RUFY2: variants seen among roughly 807,000 people sequenced by gnomAD.
The protein encoded by RUFY2 is RUN and FYVE domain containing 2.
In RUFY2, 49 loss-of-function variants were observed where a neutral mutation model predicts 94.4. The ratio of observed to expected loss-of-function variants is 0.52; its 90% CI spans 0.41 to 0.66. The LOEUF is 0.66. Ranked by LOEUF, RUFY2 falls within the 30% of genes least tolerant of loss-of-function variation. The pLI is 0.00. For synonymous variants in RUFY2, 255 were observed against 235.7 expected (o/e 1.08, Z -0.75); for missense variants, 541 against 692.8 (o/e 0.78, Z 2.46).
chr10:68,403,512 A>G (rs1004885341), intron 2 of RUFY2, among the ~76,000 whole-genome samples: 1 of 152,198 alleles, frequency 6.6e-6, no homozygotes, highest in South Asian at 2.1e-4. Flanking sequence ...TCAGCCTCCC[A>G]AAGTGCTGGG....
chr10:68,405,425 G>C (rs932169739), intron 1 of RUFY2: 28 of 956,318 alleles, frequency 2.9e-5, no homozygotes, highest in Non-Finnish European at 3.4e-5. Context: ...CCATTCTCCT[G>C]TATTTAACTT....
At chr10:68,400,889 T>C (rs2050788962) in intron 3 of RUFY2, among the ~76,000 whole-genome samples, 1 of 151,802 alleles carries the variant, frequency 6.6e-6, no homozygotes, top group Admixed American at 6.6e-5. Flanking sequence ...GGCGGGCGCC[T>C]GTAGTCCCAG....
At chr10:68,401,471 A>G (rs2050844218) in intron 3 of RUFY2, 149 bp downstream of exon 3, 1 of 595,070 alleles carries the variant, frequency 1.7e-6, no homozygotes, top group Non-Finnish European at 3.1e-6. Flanking sequence ...GAGTTGAGCC[A>G]TAAAGAATGA....
Position 68,364,044 on chromosome 10 carries a change from C to T in RUFY2, c.1395G>A (p.Lys465=), listed in dbSNP as rs199600141. The stretch of plus-strand genomic sequence containing the variant: ...TAAGATGAGATAAGGCATCTTTCTC[C>T]TTTTGAAGATCTTCCTGCAAAGTCT... ...WRQTLQEDLQ[K]EKDALSHLRN... The change falls in exon 14 of 18, where the codon AAG becomes AAA. Residue 465 remains lysine, a synonymous_variant. Coordinates refer to ENST00000602465, the MANE Select transcript of RUFY2 (RefSeq NM_001330103.2). 734 of 1,611,956 alleles carry T rather than the reference C, an allele frequency of 4.6e-4. 1 individual carries two copies. Among genetic ancestry groups the T allele is most frequent in the Non-Finnish European group, 5.0e-4 (584 of 1,178,400 alleles).
chr10:68,348,364 G>T (rs2134939361), intron 16 of RUFY2, among the ~76,000 whole-genome samples: 1 of 151,642 alleles, frequency 6.6e-6, no homozygotes, highest in South Asian at 2.1e-4. Context: ...TAAATGAAAA[G>T]AAATTAGCCA....
intron 16 of RUFY2, chr10:68,346,849 T>C (rs1402265399): frequency 6.6e-6 from 1 of 152,114 alleles, no homozygotes; most frequent in Non-Finnish European, 1.5e-5. Flanking sequence ...TTGAAGGAAA[T>C]TGGGGAAATC....
At chr10:68,358,174 C>T (rs925514941) in intron 15 of RUFY2, among the ~76,000 whole-genome samples, 7 of 152,010 alleles carry the variant, frequency 4.6e-5, no homozygotes, top group African/African-American at 1.7e-4. Flanking sequence ...AGCAACAGAG[C>T]GAGACTCTTA....
chr10:68,361,009 G>A lies in RUFY2; in HGVS notation c.1550+2581C>T, dbSNP rs191416338. Among the ~76,000 whole-genome samples, 352 of 152,208 alleles carry A rather than the reference G, an allele frequency of 2.3e-3. 1 individual carries two copies. The highest frequency in any genetic ancestry group is 6.0e-3 in the Admixed American group (92 of 15,270). ...TTAAGTATGAAGTGAGGGGCCGGGC[G>A]TGGTGGCTCATGACTGTAATCCCAG... On this transcript the variant is annotated intron_variant, in intron 15 of 17. Coordinates refer to ENST00000602465, the MANE Select transcript of RUFY2 (RefSeq NM_001330103.2).
chr10:68,377,962 G>C, intron 12 of RUFY2: 1 of 985,292 alleles, frequency 1.0e-6, no homozygotes, highest in South Asian at 4.7e-5. Context: ...CCAAATCCAA[G>C]TTTAAATTAA....
chr10:68,370,042 G>A (rs186736656), intron 13 of RUFY2, among the ~76,000 whole-genome samples: 2 of 152,212 alleles, frequency 1.3e-5, no homozygotes, highest in East Asian at 1.9e-4. Flanking sequence ...CCAGCACTTC[G>A]GGAGGCCAAG....
At chr10:68,363,727 A>T in intron 14 of RUFY2, 43 bp from the exon 15 acceptor site, 3 of 1,253,182 alleles carry the variant, frequency 2.4e-6, no homozygotes, top group Non-Finnish European at 2.2e-6. Context: ...TAAAAGAAAG[A>T]AACAAGAAAC....
rs886937955 is a variant in RUFY2 at position 68,377,653 on chromosome 10, T to C, written c.1206-681A>G. 6.1e-6 allele frequency: 6 copies of C among 985,326 alleles called. No homozygotes were observed. In the African/African-American group the frequency reaches 1.0e-4, roughly 17 times the overall value. The allele number at this position is 985,326 out of a possible 1,614,324, so 61.0% of individuals were successfully genotyped here. On this transcript the variant is annotated intron_variant, in intron 12 of 17. Coordinates refer to ENST00000602465, the MANE Select transcript of RUFY2 (RefSeq NM_001330103.2). ...ATTAGCTAAAACATTGTGATTTTCATCTTTCCTGTTTTTATTTGTAAGTCG... is the reference window on the plus strand; with the variant it reads ...ATTAGCTAAAACATTGTGATTTTCACCTTTCCTGTTTTTATTTGTAAGTCG...
chr10:68,382,204 A>G (rs1489603218), intron 10 of RUFY2, among the ~76,000 whole-genome samples: 2 of 150,732 alleles, frequency 1.3e-5, no homozygotes, highest in Non-Finnish European at 2.9e-5. Context: ...GTCTGCCACT[A>G]TGACTGGCTA....
intron 11 of RUFY2, 82 bp downstream of exon 11, chr10:68,381,150 G>GCTCAT: frequency 1.0e-6 from 1 of 996,734 alleles, no homozygotes; most frequent in Non-Finnish European, 1.5e-6. Flanking sequence ...AAATAAAATG[G>GCTCAT]GCTCATCTCT....
intron 8 of RUFY2, 59 bp from the exon 9 acceptor site, chr10:68,384,211 A>G: frequency 6.5e-7 from 1 of 1,528,772 alleles, no homozygotes; most frequent in South Asian, 1.2e-5. Context: ...CTTGCTTTGC[A>G]GGTTATGTGC....
chr10:68,378,607 A>ACTG (rs2048821127), intron 12 of RUFY2: 1 of 1,612,612 alleles, frequency 6.2e-7, no homozygotes, highest in African/African-American at 1.3e-5. Context: ...CCTGCGTGTC[A>ACTG]CTGCTGGCAC....
chr10:68,396,900 T>A lies in RUFY2; in HGVS notation c.297-19A>T. 6.4e-7 allele frequency: 1 copy of A among 1,574,626 alleles called. No individual in the cohort carries two copies. Among genetic ancestry groups the A allele is most frequent in the African/African-American group, 1.3e-5 (1 of 74,176 alleles). ...AGGGGTCCTAAAGAGAAGAACCAATTGATCAGAAAACAGCCCTAGCCCAAA... is the reference window on the plus strand; with the variant it reads ...AGGGGTCCTAAAGAGAAGAACCAATAGATCAGAAAACAGCCCTAGCCCAAA... On this transcript the variant is annotated intron_variant, in intron 3 of 17. Transcript: ENST00000602465.
At chr10:68,341,346 A>C (rs1458813544), downstream of RUFY2, 1 of 1,575,694 alleles carries the variant, frequency 6.3e-7, no homozygotes, top group Admixed American at 2.1e-5. Context: ...TTATTTCCTA[A>C]ACGTGAATTT....
chr10:68,406,839 C>T, intron 1 of RUFY2: 1 of 1,612,518 alleles, frequency 6.2e-7, no homozygotes, highest in South Asian at 1.1e-5. Context: ...CTTCCCTCCG[C>T]CACCCCCAAA....
Sources: gnomAD v4.1 joint callset for allele counts (sites outside exome capture counted in the v4.1 genomes callset) on GRCh38, gnomAD v4.1.1 for gene constraint, MANE v1.5 for transcripts, NCBI Gene and HGNC (gene_info 2026-07-23, HGNC 2026-07-21) for gene names.